STX6: variants seen among roughly 807,000 people sequenced by gnomAD.
The protein encoded by STX6 is syntaxin 6, also known as syntaxin-6.
A neutral mutation model predicts 38.0 loss-of-function variants in STX6; 23 were observed. That is an observed-to-expected ratio of 0.60 (90% CI 0.43 to 0.86). The LOEUF (loss-of-function observed/expected upper bound fraction) is 0.86. Among genes scored for constraint, STX6 ranks in the 40% least tolerant of loss-of-function variants. The pLI, the probability that STX6 is intolerant of heterozygous loss-of-function variation, is 0.00. For missense variants in STX6, 274 were observed against 312.9 expected, an observed-to-expected ratio of 0.88 and a Z score of 0.94; for synonymous variants, 123 against 107.5, an observed-to-expected ratio of 1.14 and a Z score of -0.89.
At chr1:180,980,885 G>C (rs1437410141) in intron 7 of STX6, among the ~76,000 whole-genome samples, 1 of 152,170 alleles carries the variant, frequency 6.6e-6, no homozygotes, top group Admixed American at 6.5e-5. Context: ...AAAAAGCACA[G>C]TGGAAACTTA....
In STX6 at chr1:180,975,716, C is replaced by A. The variant is rs865888698; in HGVS notation, c.*854G>T. ...GTGTTACTGAGCTGTTTAGCAACAA[C>A]ATATGTAGCAATCACCCTCAAAACG... On this transcript the variant is annotated 3_prime_UTR_variant, in exon 8 of 8. Coordinates refer to ENST00000258301, the MANE Select transcript of STX6 (RefSeq NM_005819.6). 1 of 152,254 alleles carries A rather than the reference C, an allele frequency of 6.6e-6. No homozygotes were observed. The highest frequency in any genetic ancestry group is 1.5e-5 in the Non-Finnish European group (1 of 68,068). 9.4% of individuals were successfully genotyped at this position (152,254 alleles called of 1,614,324 possible).
In STX6 at chr1:181,021,037, C is replaced by T. The variant is rs544476047; in HGVS notation, c.35+1602G>A. On this transcript the variant is annotated intron_variant, in intron 1 of 7. Coordinates refer to ENST00000258301, the MANE Select transcript of STX6 (RefSeq NM_005819.6). Reference sequence around the variant, plus strand: ...ATGATGTAAAAATCAATCAAAACTCCCTCCAAGCCAATGTTCCGATAAAGT... The same window carrying T: ...ATGATGTAAAAATCAATCAAAACTCTCTCCAAGCCAATGTTCCGATAAAGT... 1.4e-4 allele frequency among the ~76,000 whole-genome samples: 21 copies of T among 152,054 alleles called. 1 individual carries two copies. Among genetic ancestry groups the T allele is most frequent in the Non-Finnish European group, 2.8e-4 (19 of 68,022 alleles).
chr1:181,002,448 G>A (rs554727769), intron 3 of STX6, among the ~76,000 whole-genome samples, 158 bp downstream of exon 3: 19 of 151,880 alleles, frequency 1.3e-4, no homozygotes, highest in Non-Finnish European at 2.5e-4. Context: ...GCCACCATGC[G>A]CAGCCAATCA....
chr1:180,985,324 A>G (rs1017932168), intron 6 of STX6, among the ~76,000 whole-genome samples: 2 of 152,224 alleles, frequency 1.3e-5, no homozygotes, highest in Admixed American at 1.3e-4. Flanking sequence ...AACATACTCT[A>G]TAACTCTTTG....
intron 3 of STX6, among the ~76,000 whole-genome samples, chr1:181,001,106 G>T (rs1338623174): frequency 1.3e-5 from 2 of 152,144 alleles, no homozygotes. Context: ...TATGTATATA[G>T]AAAGGCAACT....
intron 7 of STX6, among the ~76,000 whole-genome samples, chr1:180,980,137 G>A (rs1655361447): frequency 7.2e-6 from 1 of 139,120 alleles, no homozygotes; most frequent in Admixed American, 8.1e-5. Context: ...AGCCTGGAAG[G>A]CAAAAGTTGC....
In STX6 at chr1:180,990,212, T is replaced by A; in HGVS notation, c.364-103A>T. 6 of 1,458,880 alleles carry A rather than the reference T, an allele frequency of 4.1e-6. No homozygotes were observed. In the South Asian group the frequency reaches 7.7e-5, roughly 19 times the overall value. The allele number at this position is 1,458,880 out of a possible 1,614,324, so 90.4% of individuals were successfully genotyped here. A position where few individuals can be genotyped will look rare whatever the true frequency, so the allele number is the denominator to read the frequency against. On this transcript the variant is annotated intron_variant, in intron 4 of 7. Transcript: ENST00000258301. ...ATATAAAGAGTTTTCACATTTCTTG[T>A]CTATTTTCCCCTGGGCAAGGCTTTT...
In STX6 at chr1:180,990,015, T is replaced by G; in HGVS notation, c.458A>C (p.His153Pro). 1.9e-6 allele frequency: 3 copies of G among 1,613,888 alleles called. No individual in the cohort carries two copies. The highest frequency in any genetic ancestry group is 2.5e-6 in the Non-Finnish European group (3 of 1,179,966). Reference sequence around the variant, plus strand: ...CTGTGCCTGCTGCTCCTCAATGAAATGAGAATTGGCTCTCTGGAGCTCTCG... The same window carrying G: ...CTGTGCCTGCTGCTCCTCAATGAAAGGAGAATTGGCTCTCTGGAGCTCTCG... ...LDRELQRANS[H>P]FIEEQQAQQQ... Residue 153 changes from histidine to proline, a missense_variant, in exon 5 of 8, where the codon CAT becomes CCT. Coordinates refer to ENST00000258301, the MANE Select transcript of STX6 (RefSeq NM_005819.6).
intron 7 of STX6, among the ~76,000 whole-genome samples, chr1:180,981,894 C>T (rs1655428951): frequency 6.6e-6 from 1 of 152,144 alleles, no homozygotes; most frequent in East Asian, 1.9e-4. Context: ...GGACCTGCCT[C>T]AAAAAGTCAG....
intron 7 of STX6, among the ~76,000 whole-genome samples, chr1:180,979,345 T>C (rs756053526): frequency 1.3e-5 from 2 of 151,854 alleles, no homozygotes; most frequent in South Asian, 2.1e-4. Flanking sequence ...ATTAGGAAAA[T>C]AGACAAGCAG....
chr1:180,984,122 C>A (rs920560946), intron 7 of STX6, among the ~76,000 whole-genome samples: 6 of 110,062 alleles, frequency 5.5e-5, no homozygotes, highest in African/African-American at 7.0e-5. Flanking sequence ...GGGAAAAAAA[C>A]CAAACACGGT....
chr1:181,005,068 T>C (rs1656187041), intron 2 of STX6, among the ~76,000 whole-genome samples: 1 of 151,910 alleles, frequency 6.6e-6, no homozygotes, highest in Admixed American at 6.6e-5. Flanking sequence ...TGCCTTTATA[T>C]ATATATATAC....
At chr1:181,014,620 T>G (rs1193291316) in intron 1 of STX6, among the ~76,000 whole-genome samples, 1 of 152,004 alleles carries the variant, frequency 6.6e-6, no homozygotes, top group African/African-American at 2.4e-5. Context: ...TCAGGTTGAG[T>G]GAGCCTCTGC....
intron 1 of STX6, among the ~76,000 whole-genome samples, chr1:181,016,167 C>T (rs1656549606): frequency 2.0e-5 from 3 of 152,224 alleles, no homozygotes; most frequent in Admixed American, 2.0e-4. Flanking sequence ...ACTTTAGTAT[C>T]AAGCATGGTT....
chr1:180,999,051 G>C (rs1655997087), intron 3 of STX6, among the ~76,000 whole-genome samples: 1 of 152,310 alleles, frequency 6.6e-6, no homozygotes, highest in South Asian at 2.1e-4. Flanking sequence ...GCTCACACTG[G>C]ATACTTCACC....
chr1:180,999,611 T>G (rs748489593), intron 3 of STX6, among the ~76,000 whole-genome samples: 4 of 151,512 alleles, frequency 2.6e-5, no homozygotes, highest in Non-Finnish European at 5.9e-5. Context: ...CCAATGGACA[T>G]TAATCAAGAA....
chr1:180,976,770 T>C, intron 7 of STX6, 124 bp from the exon 8 acceptor site: 1 of 844,266 alleles, frequency 1.2e-6, no homozygotes, highest in Non-Finnish European at 1.9e-6. Context: ...GACGGGGCCA[T>C]GATCTTACAC....
intron 1 of STX6, 43 bp from the exon 2 acceptor site, chr1:181,005,506 T>C (rs1172858121): frequency 1.3e-6 from 2 of 1,588,466 alleles, no homozygotes; most frequent in Non-Finnish European, 1.7e-6. Context: ...ACAGACAACA[T>C]TCCATGGTCA....
chr1:180,997,224 G>C (rs868010032), intron 3 of STX6, among the ~76,000 whole-genome samples: 1 of 152,180 alleles, frequency 6.6e-6, no homozygotes, highest in African/African-American at 2.4e-5. Context: ...CAACAATATA[G>C]TAAGCACTCA....
Sources: gnomAD v4.1 joint callset for allele counts (sites outside exome capture counted in the v4.1 genomes callset) on GRCh38, gnomAD v4.1.1 for gene constraint, MANE v1.5 for transcripts, NCBI Gene and HGNC (gene_info 2026-07-23, HGNC 2026-07-21) for gene names.